The following ZFP64 variants were observed in gnomAD, a reference collection of about 807,000 sequenced individuals.
The protein encoded by ZFP64 is ZFP64 zinc finger protein, also known as zinc finger protein 64.
Under a neutral mutation model 51.6 loss-of-function variants are expected in ZFP64, and 14 were observed. That is an observed-to-expected ratio of 0.27 (90% CI 0.18 to 0.42). The LOEUF (loss-of-function observed/expected upper bound fraction) is 0.42. Ranked by LOEUF, ZFP64 falls within the 10% of genes least tolerant of loss-of-function variation. The pLI is 1.00. For synonymous variants in ZFP64, 375 were observed against 361.4 expected (o/e 1.04, Z -0.43); for missense variants, 754 against 906.8 (o/e 0.83, Z 2.16).
chr20:52,113,929 T>A (rs537251419), intron 5 of ZFP64, among the ~76,000 whole-genome samples: 3 of 152,096 alleles, frequency 2.0e-5, no homozygotes, highest in African/African-American at 4.8e-5. Flanking sequence ...TGGGTGGTAG[T>A]GGTGGGTACC....
chr20:52,129,856 G>A (rs1233437658), intron 5 of ZFP64, among the ~76,000 whole-genome samples: 1 of 152,172 alleles, frequency 6.6e-6, no homozygotes, highest in Non-Finnish European at 1.5e-5. Context: ...ACCATGGTAT[G>A]CCCCGGGGCA....
At chr20:52,169,888 G>A (rs190820489) in intron 2 of ZFP64, among the ~76,000 whole-genome samples, 10 of 151,344 alleles carry the variant, frequency 6.6e-5, no homozygotes, top group African/African-American at 2.2e-4. Context: ...ACCCCATATC[G>A]ACTAAAAATA....
chr20:52,160,862 G>A lies in ZFP64; in HGVS notation c.512-488C>T, dbSNP rs1000912657. ...CTAAGTTCCTATCAAAGCGATGGCA[G>A]AGAAAGTAAAGTGTGTCTCTTTCAC... is the stretch of plus-strand genomic sequence containing the variant. On this transcript the variant is annotated intron_variant, in intron 4 of 5. Transcript: ENST00000216923. The surrounding 1 kb of genome is among the most constrained non-coding windows in gnomAD (Gnocchi z 4.2). Among the ~76,000 whole-genome samples the A allele has an allele frequency of 5.3e-5, 8 of 152,202 alleles. No individual in the cohort carries two copies. Among genetic ancestry groups the A allele is most frequent in the African/African-American group, 1.9e-4 (8 of 41,452 alleles).
intron 2 of ZFP64, among the ~76,000 whole-genome samples, chr20:52,171,088 C>G (rs1982678026): frequency 2.0e-5 from 3 of 152,164 alleles, no homozygotes; most frequent in African/African-American, 7.2e-5. Flanking sequence ...AATTCAATAG[C>G]AACAAAGGGG....
At chr20:52,150,909 C>T (rs1163869784), downstream of ZFP64, among the ~76,000 whole-genome samples, 1 of 152,314 alleles carries the variant, frequency 6.6e-6, no homozygotes, top group East Asian at 1.9e-4. Flanking sequence ...TCAATACAAC[C>T]TATGCTTTGG....
At chr20:52,190,599 A>G (rs1031351083) in intron 1 of ZFP64, among the ~76,000 whole-genome samples, 1 of 152,062 alleles carries the variant, frequency 6.6e-6, no homozygotes, top group Non-Finnish European at 1.5e-5. Context: ...GAGGTACACT[A>G]TTTAAACATG....
intron 7 of ZFP64, among the ~76,000 whole-genome samples, chr20:52,089,740 C>CAAAA (rs35524410): frequency 7.6e-6 from 1 of 131,404 alleles, no homozygotes; most frequent in Non-Finnish European, 1.6e-5. Context: ...GACACTGTCT[C>CAAAA]AAAAAAAAAA....
chr20:52,110,324 GA>G, intron 5 of ZFP64: 2 of 473,142 alleles, frequency 4.2e-6, no homozygotes, highest in Non-Finnish European at 7.6e-6. Flanking sequence ...CCAAACCCTG[GA>G]AAACCATAGA....
intron 5 of ZFP64, among the ~76,000 whole-genome samples, chr20:52,126,755 T>C (rs1471728316): frequency 1.3e-5 from 2 of 152,140 alleles, no homozygotes; most frequent in African/African-American, 4.8e-5. Flanking sequence ...CTCCAACATC[T>C]TATGCCTTTT....
At chr20:52,090,502 A>G (rs1600685801) in intron 7 of ZFP64, among the ~76,000 whole-genome samples, 1 of 152,150 alleles carries the variant, frequency 6.6e-6, no homozygotes, top group South Asian at 2.1e-4. Context: ...ACAACCATCA[A>G]AAGACTTGGT....
At chr20:52,172,404 AG>A in intron 2 of ZFP64, among the ~76,000 whole-genome samples, 1 of 152,230 alleles carries the variant, frequency 6.6e-6, no homozygotes, top group Non-Finnish European at 1.5e-5. Context: ...GGGAAGGATA[AG>A]GCATACTGCA....
At chr20:52,094,268 G>A (rs1017504068) in intron 7 of ZFP64, among the ~76,000 whole-genome samples, 19 of 152,210 alleles carry the variant, frequency 1.2e-4, no homozygotes, top group African/African-American at 3.4e-4. Context: ...TTGTGTGCAC[G>A]TTCTACCAAA....
chr20:52,113,659 G>A (rs796942063), intron 5 of ZFP64, among the ~76,000 whole-genome samples: 6 of 147,336 alleles, frequency 4.1e-5, no homozygotes, highest in African/African-American at 1.3e-4. Flanking sequence ...GGCTGGTCTC[G>A]AACTCCTGAA....
At chr20:52,087,033 T>C (rs541606598) in intron 8 of ZFP64, among the ~76,000 whole-genome samples, 12 of 152,302 alleles carry the variant, frequency 7.9e-5, no homozygotes, top group African/African-American at 2.2e-4. Context: ...TTTGCTCTCA[T>C]ACTTGAGATA....
intron 2 of ZFP64, among the ~76,000 whole-genome samples, chr20:52,180,878 T>G (rs115720520): frequency 1.3e-3 from 195 of 152,290 alleles, no homozygotes; most frequent in African/African-American, 4.5e-3. Context: ...GCAGTCTGTC[T>G]CAGGACCCCA....
chr20:52,134,475 G>T (rs1235155822), intron 5 of ZFP64, among the ~76,000 whole-genome samples: 2 of 152,202 alleles, frequency 1.3e-5, no homozygotes, highest in Non-Finnish European at 2.9e-5. Flanking sequence ...TTAATCAAGT[G>T]TCATTGTGAC....
chr20:52,139,849 T>G (rs966139851), intron 5 of ZFP64, among the ~76,000 whole-genome samples: 5 of 57,022 alleles, frequency 8.8e-5, no homozygotes, highest in Non-Finnish European at 2.4e-4. Context: ...CGCTGAGTTG[T>G]TTTTTTTTTT....
chr20:52,100,991 C>G (rs746173660), intron 5 of ZFP64, among the ~76,000 whole-genome samples: 3 of 152,166 alleles, frequency 2.0e-5, no homozygotes, highest in Non-Finnish European at 4.4e-5. Flanking sequence ...TGGCTCTCAA[C>G]TGGGGGCCAT....
chr20:52,186,150 T>C (rs193198845), intron 2 of ZFP64, among the ~76,000 whole-genome samples: 60 of 152,350 alleles, frequency 3.9e-4, no homozygotes, highest in Non-Finnish European at 6.9e-4. Context: ...ACATTCTCTG[T>C]TTCCCTACAG....
Sources: allele counts gnomAD v4.1 joint callset (sites outside exome capture counted in the v4.1 genomes callset), GRCh38; gene constraint gnomAD v4.1.1; non-coding constraint Gnocchi (gnomAD v3.1); transcripts MANE v1.5; gene names NCBI Gene and HGNC (gene_info 2026-07-23, HGNC 2026-07-21).